The following GMFB variants were observed in gnomAD, a reference collection of about 807,000 sequenced individuals.
The protein encoded by GMFB is GMF-beta.
Under a neutral mutation model 25.6 loss-of-function variants are expected in GMFB, and 13 were observed. That is an observed-to-expected ratio of 0.51 (90% CI 0.33 to 0.81). The LOEUF (loss-of-function observed/expected upper bound fraction) is 0.81, where lower values mean the gene tolerates loss of function less well. Among genes scored for constraint, GMFB ranks in the 30% least tolerant of loss-of-function variants. The pLI, the probability that GMFB is intolerant of heterozygous loss-of-function variation, is 0.02. For missense variants in GMFB, 146 were observed against 175.4 expected (o/e 0.83, Z 0.95); for synonymous variants, 57 against 56.9 (o/e 1.00, Z 0.00).
chr14:54,483,057 C>T (rs2031734209), intron 2 of GMFB: 1 of 152,166 alleles, frequency 6.6e-6, no homozygotes, highest in Non-Finnish European at 1.5e-5. Flanking sequence ...ACATTTTCAC[C>T]CCCTCATCCT....
chr14:54,480,915 C>T lies in GMFB; in HGVS notation c.242G>A (p.Arg81Lys). The change falls in exon 5 of 7, where the codon AGA (arginine) becomes AAA (lysine). Residue 81 changes from arginine to lysine, a missense_variant. Transcript: ENST00000358056. ...YSYKYQHDDG[R>K]VSYPLCFIFS... ...AATAAAGCACAGAGGATATGAAACT[C>T]TTCCATCATCATGTTGATATTTATA... is the stretch of plus-strand genomic sequence containing the variant. 1 of 1,543,072 alleles carries T rather than the reference C, an allele frequency of 6.5e-7. No homozygotes were observed. Among genetic ancestry groups the T allele is most frequent in the South Asian group, 1.2e-5 (1 of 86,836 alleles).
Position 54,481,044 on chromosome 14 carries a change from T to C in GMFB, c.201-88A>G, listed in dbSNP as rs376955215. 6.8e-4 allele frequency: 437 copies of C among 642,764 alleles called. 12 individuals carry two copies. In the South Asian group the frequency reaches 8.4e-3, roughly 12 times the overall value. The allele number at this position is 642,764 out of a possible 1,614,324, so 39.8% of individuals were successfully genotyped here. A position where few individuals can be genotyped will look rare whatever the true frequency, so the allele number is the denominator to read the frequency against. Reference sequence around the variant, plus strand: ...GGAGCTACTGAGCTGCAAGTTTCTGTCCTATTCTTTTAGGCCACACCTTCA... The same window carrying C: ...GGAGCTACTGAGCTGCAAGTTTCTGCCCTATTCTTTTAGGCCACACCTTCA... On this transcript the variant is annotated intron_variant, in intron 4 of 6. Transcript: ENST00000358056.
intron 1 of GMFB, among the ~76,000 whole-genome samples, chr14:54,487,022 A>G (rs928314079): frequency 1.3e-5 from 2 of 152,220 alleles, no homozygotes; most frequent in Non-Finnish European, 2.9e-5. Context: ...TCTACTTTGG[A>G]CAAACTGAGG....
rs1007777323 is a variant in GMFB, at chr14:54,477,043, A to T, written c.*1045T>A. On this transcript the variant is annotated 3_prime_UTR_variant, in exon 7 of 7. Transcript: ENST00000358056. ...TATTAACTATGGCCAAAGTTTTAAG[A>T]TAATTTTTTCCTATGGCACAAAACT... The T allele has an allele frequency of 6.6e-6, 1 of 152,040 alleles. No homozygotes were observed. Among genetic ancestry groups the T allele is most frequent in the Admixed American group, 6.6e-5 (1 of 15,254 alleles). 9.4% of individuals were successfully genotyped at this position (152,040 alleles called of 1,614,324 possible). A position where few individuals can be genotyped will look rare whatever the true frequency, so the allele number is the denominator to read the frequency against.
At position 54,488,010 on chromosome 14, in the gene GMFB, G is replaced by A. The variant is rs564410608; in HGVS notation, c.3+915C>T. ...AAGAGAATGCTTCAAAAACAAGAGA[G>A]TATAACACTCTGGAATGCAGCTAAA... On this transcript the variant is annotated intron_variant, in intron 1 of 6. Transcript: ENST00000358056. 9.2e-5 allele frequency among the ~76,000 whole-genome samples: 14 copies of A among 152,276 alleles called. 1 individual carries two copies. The South Asian group carries it at 1.2e-3, about 14-fold the overall frequency.
In GMFB at chr14:54,475,099, C is replaced by T. The variant is rs567395094; in HGVS notation, c.*2989G>A. 1 of 152,746 alleles carries T rather than the reference C, an allele frequency of 6.5e-6. No homozygotes were observed. Among genetic ancestry groups the T allele is most frequent in the East Asian group, 1.9e-4 (1 of 5,192 alleles). 9.5% of individuals were successfully genotyped at this position (152,746 alleles called of 1,614,324 possible). On this transcript the variant is annotated 3_prime_UTR_variant, in exon 7 of 7. Coordinates refer to ENST00000358056, the MANE Select transcript of GMFB (RefSeq NM_004124.3). ...TTGATAGAATATGAGTTACTCTCTACTTCCACCAAATATCAGCATTTAAAC... is the reference window on the plus strand; with the variant it reads ...TTGATAGAATATGAGTTACTCTCTATTTCCACCAAATATCAGCATTTAAAC...
intron 1 of GMFB, among the ~76,000 whole-genome samples, chr14:54,488,022 G>A (rs1228781045): frequency 1.3e-5 from 2 of 152,156 alleles, no homozygotes; most frequent in Non-Finnish European, 2.9e-5. Flanking sequence ...ATAACACTCT[G>A]GAATGCAGCT....
intron 4 of GMFB, 77 bp downstream of exon 4, chr14:54,481,332 A>G (rs2031708181): frequency 1.1e-6 from 1 of 912,128 alleles, no homozygotes; most frequent in Non-Finnish European, 1.8e-6. Context: ...ATACTTTTAG[A>G]TGTTTAACAA....
intron 2 of GMFB, chr14:54,483,038 T>C (rs1034597092): frequency 2.0e-5 from 3 of 152,308 alleles, no homozygotes; most frequent in Non-Finnish European, 2.9e-5. Flanking sequence ...GCATGGTCTC[T>C]AGAGTTTTAC....
chr14:54,487,152 T>C (rs2140036973), intron 1 of GMFB, among the ~76,000 whole-genome samples: 1 of 152,264 alleles, frequency 6.6e-6, no homozygotes. Flanking sequence ...TCTCAACACT[T>C]TGGGAGGCCG....
intron 2 of GMFB, among the ~76,000 whole-genome samples, chr14:54,482,942 A>C (rs975372422): frequency 6.6e-6 from 1 of 151,956 alleles, no homozygotes; most frequent in East Asian, 1.9e-4. Flanking sequence ...TCGACATTGC[A>C]GTATTTATTT....
In GMFB at chr14:54,480,276, T is replaced by A. The variant is rs532780985; in HGVS notation, c.284-417A>T. 9.9e-5 allele frequency: 16 copies of A among 161,174 alleles called. No homozygotes were observed. The South Asian group carries it at 2.8e-3, about 28-fold the overall frequency. 10.0% of individuals were successfully genotyped at this position (161,174 alleles called of 1,614,324 possible). ...ATAAAAGTTTCACTCTGCCGATATA[T>A]TAAGTTAAAAATATACTGCAGTATA... On this transcript the variant is annotated intron_variant, in intron 5 of 6. Transcript: ENST00000358056.
chr14:54,483,055 A>AC (rs2031734152), intron 2 of GMFB: 1 of 151,944 alleles, frequency 6.6e-6, no homozygotes, highest in Non-Finnish European at 1.5e-5. Flanking sequence ...TTACATTTTC[A>AC]CCCCCTCATC....
At position 54,476,079 on chromosome 14, in the gene GMFB, A is replaced by C. The variant is rs2031636161; in HGVS notation, c.*2009T>G. ...AATGTCCTACTGATCCTCTAACCTC[A>C]ATCTGTTGTCTTGCCAAAAACATGT... On this transcript the variant is annotated 3_prime_UTR_variant, in exon 7 of 7. Coordinates refer to ENST00000358056, the MANE Select transcript of GMFB (RefSeq NM_004124.3). 1 of 152,058 alleles carries C rather than the reference A, an allele frequency of 6.6e-6. No individual in the cohort carries two copies. Among genetic ancestry groups the C allele is most frequent in the Non-Finnish European group, 1.5e-5 (1 of 67,920 alleles). The allele number at this position is 152,058 out of a possible 1,614,324, so 9.4% of individuals were successfully genotyped here.
intron 5 of GMFB, chr14:54,480,635 T>C (rs2031698210): frequency 2.8e-6 from 1 of 353,716 alleles, no homozygotes; most frequent in Non-Finnish European, 5.1e-6. Flanking sequence ...ACATGTATGA[T>C]TTGAGTCAAC....
At chr14:54,483,883 T>C (rs2140034687) in intron 1 of GMFB, 116 bp from the exon 2 acceptor site, 1 of 723,452 alleles carries the variant, frequency 1.4e-6, no homozygotes, top group East Asian at 2.6e-5. Context: ...GTCAATTAAG[T>C]GAAAGCATTA....
chr14:54,475,731 T>C lies in GMFB; in HGVS notation c.*2357A>G, dbSNP rs1391423879. The C allele has an allele frequency of 6.6e-6, 1 of 152,494 alleles. No individual in the cohort carries two copies. Among genetic ancestry groups the C allele is most frequent in the African/African-American group, 2.4e-5 (1 of 41,438 alleles). The allele number at this position is 152,494 out of a possible 1,614,324, so 9.4% of individuals were successfully genotyped here. A position where few individuals can be genotyped will look rare whatever the true frequency, so the allele number is the denominator to read the frequency against. ...GACATTAGATGCTATGCAGAACTTA[T>C]GCAGGGCCAAAAATTTCAAAACTAA... On this transcript the variant is annotated 3_prime_UTR_variant, in exon 7 of 7. Transcript: ENST00000358056.
chr14:54,478,335 A>T (rs906766102), intron 6 of GMFB, 176 bp from the exon 7 acceptor site: 2 of 398,832 alleles, frequency 5.0e-6, no homozygotes, highest in African/African-American at 4.2e-5. Flanking sequence ...AACCTGTGTA[A>T]ATGAGATATA....
intron 1 of GMFB, among the ~76,000 whole-genome samples, chr14:54,488,173 A>G (rs556585397): frequency 2.2e-3 from 328 of 152,348 alleles, no homozygotes; most frequent in African/African-American, 7.7e-3. Flanking sequence ...AAATTTACCC[A>G]TATTTTAAAA....
Sources: gnomAD v4.1 joint callset for allele counts (sites outside exome capture counted in the v4.1 genomes callset) on GRCh38, gnomAD v4.1.1 for gene constraint, MANE v1.5 for transcripts, NCBI Gene and HGNC (gene_info 2026-07-23, HGNC 2026-07-21) for gene names.